Variants in HIVEP3 observed in about 807,000 individuals in gnomAD.
HIVEP3 encodes HIVEP zinc finger 3.
Under a neutral mutation model 152.8 loss-of-function variants are expected in HIVEP3, and 49 were observed. The observed-to-expected ratio is 0.32, with a 90% CI of 0.26 to 0.41. The LOEUF (loss-of-function observed/expected upper bound fraction) is 0.41, where lower values mean the gene tolerates loss of function less well. Among genes scored for constraint, HIVEP3 ranks in the 10% least tolerant of loss-of-function variants. The pLI is 1.00. For synonymous variants in HIVEP3, 1,269 were observed against 1,289.0 expected, an observed-to-expected ratio of 0.98 and a Z score of 0.33; for missense variants, 2,790 against 3,103.3, an observed-to-expected ratio of 0.90 and a Z score of 2.40.
At chr1:41,684,135 G>A (rs1646081401) in intron 2 of HIVEP3, among the ~76,000 whole-genome samples, 1 of 152,234 alleles carries the variant, frequency 6.6e-6, no homozygotes, top group South Asian at 2.1e-4. Context: ...CCAGGGTCAT[G>A]AGGGGAGGTG....
chr1:41,524,017 G>A (rs1312918629), intron 6 of HIVEP3, among the ~76,000 whole-genome samples: 1 of 152,242 alleles, frequency 6.6e-6, no homozygotes, highest in Admixed American at 6.5e-5. Context: ...GGCCTGGCCT[G>A]GGTGGCTGTG....
intron 2 of HIVEP3, among the ~76,000 whole-genome samples, chr1:41,656,505 G>A (rs1435302908): frequency 1.3e-5 from 2 of 152,166 alleles, no homozygotes; most frequent in Non-Finnish European, 2.9e-5. Flanking sequence ...GAACACGTAC[G>A]TGCTTATTAC....
chr1:41,799,833 T>C (rs1260674415), intron 1 of HIVEP3, among the ~76,000 whole-genome samples: 1 of 151,864 alleles, frequency 6.6e-6, no homozygotes, highest in African/African-American at 2.4e-5. Context: ...TCTCTTTTCA[T>C]AGGGGGAATC....
At chr1:42,002,183 G>A (rs1017061258) in intron 1 of HIVEP3, among the ~76,000 whole-genome samples, 7 of 152,116 alleles carry the variant, frequency 4.6e-5, no homozygotes, top group Admixed American at 1.3e-4. Flanking sequence ...ACTCGCTGAC[G>A]CAGAGGACAT....
chr1:41,921,266 A>T (rs149981727), upstream of HIVEP3, among the ~76,000 whole-genome samples: 24 of 152,340 alleles, frequency 1.6e-4, no homozygotes, highest in East Asian at 4.6e-3. Context: ...AAAGACCCTG[A>T]TATGGTTTGG....
At chr1:42,031,397 C>A (rs1028612858) in intron 1 of HIVEP3, among the ~76,000 whole-genome samples, 3 of 152,116 alleles carry the variant, frequency 2.0e-5, no homozygotes, top group African/African-American at 7.2e-5. Flanking sequence ...TTCTTCTTCC[C>A]TTTAAACTCA....
intron 1 of HIVEP3, among the ~76,000 whole-genome samples, chr1:41,769,881 G>A (rs1416072087): frequency 1.3e-5 from 2 of 152,178 alleles, no homozygotes; most frequent in Non-Finnish European, 2.9e-5. Context: ...AAAAATTGAG[G>A]AAAGTAGAAA....
In HIVEP3 at chr1:41,889,986, A is replaced by T. The variant is rs549925142; in HGVS notation, c.-801+28427T>A. On this transcript the variant is annotated intron_variant, in intron 1 of 8. Transcript: ENST00000372583. ...CTGCTCACCATCCAATGAACAACTC[A>T]AGTGACAGCACAGTGGTTAAGAGAA... is the stretch of plus-strand genomic sequence containing the variant. Among the ~76,000 whole-genome samples the T allele has an allele frequency of 4.5e-4, 69 of 152,336 alleles. 1 individual carries two copies. The highest frequency in any genetic ancestry group is 1.6e-3 in the African/African-American group (67 of 41,564).
rs1009078894 is a variant in HIVEP3 at position 41,793,407 on chromosome 1, T to A, written c.-800-92412A>T. Among the ~76,000 whole-genome samples the A allele has an allele frequency of 5.3e-5, 8 of 152,326 alleles. No homozygotes were observed. In the South Asian group the frequency reaches 1.4e-3, roughly 28 times the overall value. On this transcript the variant is annotated intron_variant, in intron 1 of 8. Transcript: ENST00000372583. ...CTGCTTCTTGGAGCTCAGCTTCCTATGACTGGTGCCACAAAAGTTCCTAGG... is the reference window on the plus strand; with the variant it reads ...CTGCTTCTTGGAGCTCAGCTTCCTAAGACTGGTGCCACAAAAGTTCCTAGG...
At chr1:41,745,029 A>G (rs995043620) in intron 1 of HIVEP3, among the ~76,000 whole-genome samples, 5 of 152,214 alleles carry the variant, frequency 3.3e-5, no homozygotes, top group Admixed American at 2.6e-4. Context: ...TGGTTCTGGA[A>G]GGTGTAAGCT....
chr1:41,676,289 A>T (rs1180710137), intron 2 of HIVEP3, among the ~76,000 whole-genome samples: 2 of 152,114 alleles, frequency 1.3e-5, no homozygotes, highest in Non-Finnish European at 2.9e-5. Flanking sequence ...TGACCTCGTG[A>T]TCCATCTGCC....
intron 1 of HIVEP3, among the ~76,000 whole-genome samples, chr1:41,883,956 T>G (rs72963282): frequency 0.014 from 2,093 of 152,292 alleles, 39 homozygotes; most frequent in African/African-American, 0.047. Context: ...CATTTTGGAT[T>G]AATTCCTTCA....
intron 4 of HIVEP3, among the ~76,000 whole-genome samples, chr1:41,576,243 G>C (rs1411118458): frequency 6.6e-6 from 1 of 152,176 alleles, no homozygotes; most frequent in Non-Finnish European, 1.5e-5. Flanking sequence ...TAGTACCAAA[G>C]GCCAGGAGCT....
intron 1 of HIVEP3, among the ~76,000 whole-genome samples, chr1:41,722,449 T>TTCCTTCCTTCC (rs1558211448): frequency 1.9e-5 from 1 of 52,190 alleles, no homozygotes. Context: ...TCCTTCCTTC[T>TTCCTTCCTTCC]TTCCTTCCTT....
intron 2 of HIVEP3, among the ~76,000 whole-genome samples, chr1:41,681,655 G>A (rs953571662): frequency 4.6e-5 from 7 of 152,190 alleles, no homozygotes; most frequent in Non-Finnish European, 1.0e-4. Flanking sequence ...ATGGTGCAGC[G>A]CTGGCCTGGC....
intron 2 of HIVEP3, among the ~76,000 whole-genome samples, chr1:41,637,897 G>A (rs1276766320): frequency 1.3e-5 from 2 of 152,180 alleles, no homozygotes; most frequent in African/African-American, 4.8e-5. Context: ...CAGAACTTCA[G>A]TTTTACAAGA....
Position 41,579,133 on chromosome 1 carries a change from G to C in HIVEP3, c.5061+604C>G, listed in dbSNP as rs116715105. Among the ~76,000 whole-genome samples the C allele has an allele frequency of 2.7e-3, 409 of 152,316 alleles. 2 individuals carry two copies. The highest frequency in any genetic ancestry group is 9.5e-3 in the African/African-American group (395 of 41,550). On this transcript the variant is annotated intron_variant, in intron 4 of 8. Coordinates refer to ENST00000372583, the MANE Select transcript of HIVEP3 (RefSeq NM_024503.5). Reference sequence around the variant, plus strand: ...ACGTAGCACAAATAGGTCAAACTGTGAGTGGCATTGCCATCCACTGGTAAG... The same window carrying C: ...ACGTAGCACAAATAGGTCAAACTGTCAGTGGCATTGCCATCCACTGGTAAG...
rs139282541 is a variant in HIVEP3 at position 41,688,182 on chromosome 1, T to C, written c.-721+12734A>G. Reference sequence around the variant, plus strand: ...GACCTCCAGATAGCCAAGCCGATCTTCTTCAGTTCCTCTCGTCTGACCCCT... The same window carrying C: ...GACCTCCAGATAGCCAAGCCGATCTCCTTCAGTTCCTCTCGTCTGACCCCT... On this transcript the variant is annotated intron_variant, in intron 2 of 8. Coordinates refer to ENST00000372583, the MANE Select transcript of HIVEP3 (RefSeq NM_024503.5). 5.5e-3 allele frequency among the ~76,000 whole-genome samples: 837 copies of C among 152,300 alleles called. 11 individuals are homozygous for C. Among genetic ancestry groups the C allele is most frequent in the African/African-American group, 0.019 (804 of 41,558 alleles).
At chr1:42,002,694 G>A (rs1331714557) in intron 1 of HIVEP3, among the ~76,000 whole-genome samples, 1 of 152,168 alleles carries the variant, frequency 6.6e-6, no homozygotes, top group Non-Finnish European at 1.5e-5. Context: ...CTGCCTCCAA[G>A]GGCCAGTCAG....
Sources: gnomAD v4.1 joint callset for allele counts (sites outside exome capture counted in the v4.1 genomes callset) on GRCh38, gnomAD v4.1.1 for gene constraint, MANE v1.5 for transcripts, NCBI Gene and HGNC (gene_info 2026-07-23, HGNC 2026-07-21) for gene names.